The following USP7 variants were observed in gnomAD, a reference collection of about 807,000 sequenced individuals.
USP7 encodes ubiquitin specific peptidase 7.
Under a neutral mutation model 162.9 loss-of-function variants are expected in USP7, and 9 were observed. The observed-to-expected ratio is 0.06, with a 90% confidence interval of 0.03 to 0.10. The LOEUF is 0.10. Ranked by LOEUF, USP7 falls within the 10% of genes least tolerant of loss-of-function variation. The probability of loss-of-function intolerance (pLI) is 1.00; values close to 1 mark genes in which losing one functional copy is unlikely to be tolerated. For missense variants in USP7, 715 were observed against 1,373.7 expected (o/e 0.52, Z 7.58); for synonymous variants, 562 against 475.9 (o/e 1.18, Z -2.35).
chr16:8,893,183 C>A lies in USP7; in HGVS notation c.*815G>T, dbSNP rs191224323. The A allele has an allele frequency of 5.3e-5, 8 of 152,306 alleles. No individual in the cohort carries two copies. The highest frequency in any genetic ancestry group is 1.7e-4 in the African/African-American group (7 of 41,554). The allele number at this position is 152,306 out of a possible 1,614,324, so 9.4% of individuals were successfully genotyped here. A position where few individuals can be genotyped will look rare whatever the true frequency, so the allele number is the denominator to read the frequency against. On this transcript the variant is annotated 3_prime_UTR_variant, in exon 31 of 31. Transcript: ENST00000344836. The stretch of plus-strand genomic sequence containing the variant: ...CTTACTAACCACTAGTGAGCATGCC[C>A]TCTTGCTAAAAGGCTTTCTTGTCGT...
chr16:8,936,707 C>A, intron 1 of USP7: 1 of 1,433,456 alleles, frequency 7.0e-7, no homozygotes, highest in Non-Finnish European at 9.1e-7. Flanking sequence ...GGAGCTCTAC[C>A]TCAGCATTCT....
At chr16:8,955,525 T>C (rs539370115) in intron 1 of USP7, among the ~76,000 whole-genome samples, 8 of 152,058 alleles carry the variant, frequency 5.3e-5, no homozygotes, top group Non-Finnish European at 1.2e-4. Flanking sequence ...CTGGCCAACA[T>C]GGGGAAACCG....
chr16:8,936,039 C>G (rs904928309), intron 1 of USP7, among the ~76,000 whole-genome samples: 1 of 152,192 alleles, frequency 6.6e-6, no homozygotes, highest in Non-Finnish European at 1.5e-5. Flanking sequence ...AATCCTCCCC[C>G]AAAAAGCTGG....
chr16:8,927,331 AG>A (rs1936023398), intron 2 of USP7, among the ~76,000 whole-genome samples: 1 of 151,950 alleles, frequency 6.6e-6, no homozygotes, highest in South Asian at 2.1e-4. Context: ...AAAAAAAAAA[AG>A]AAAGAAAGTT....
intron 4 of USP7, among the ~76,000 whole-genome samples, chr16:8,920,685 C>T (rs1410003674): frequency 6.6e-6 from 1 of 152,166 alleles, no homozygotes; most frequent in Non-Finnish European, 1.5e-5. Flanking sequence ...GGGCTCAGTG[C>T]CACAGCATGG....
intron 1 of USP7, among the ~76,000 whole-genome samples, chr16:8,932,808 C>T (rs913755228): frequency 1.3e-5 from 2 of 151,972 alleles, no homozygotes; most frequent in African/African-American, 2.4e-5. Context: ...CAGGATAGTG[C>T]CTTATCTGCG....
At chr16:8,929,675 T>C in intron 2 of USP7, 2 of 423,968 alleles carry the variant, frequency 4.7e-6, no homozygotes, top group Non-Finnish European at 9.5e-6. Context: ...AGTGTGACTG[T>C]GCAAATATTG....
chr16:8,902,334 C>T (rs746119095), intron 17 of USP7, 47 bp downstream of exon 17: 14 of 1,590,804 alleles, frequency 8.8e-6, no homozygotes, highest in Admixed American at 5.1e-5. Flanking sequence ...AGAGGACTAA[C>T]GCCTTCTGCA....
At chr16:8,962,049 GA>G (rs938610074) in intron 1 of USP7, among the ~76,000 whole-genome samples, 1 of 152,196 alleles carries the variant, frequency 6.6e-6, no homozygotes, top group Non-Finnish European at 1.5e-5. Context: ...ATTCAGAGGT[GA>G]ACACCAGTCA....
intron 1 of USP7, among the ~76,000 whole-genome samples, chr16:8,940,391 G>A (rs1225680296): frequency 6.6e-6 from 1 of 152,212 alleles, no homozygotes; most frequent in East Asian, 1.9e-4. Context: ...ACAGTGCTCA[G>A]GAGAACTCTT....
chr16:8,922,914 T>C (rs923352464), intron 3 of USP7, among the ~76,000 whole-genome samples: 7 of 152,232 alleles, frequency 4.6e-5, no homozygotes, highest in Non-Finnish European at 4.4e-5. Flanking sequence ...TGCCATTTTC[T>C]GCTCAGACAG....
chr16:8,919,217 C>T (rs571491552), intron 5 of USP7, 78 bp from the exon 6 acceptor site: 236 of 1,448,604 alleles, frequency 1.6e-4, no homozygotes, highest in Non-Finnish European at 2.3e-4. Flanking sequence ...CAATCTGACT[C>T]AAGGTCAGCC....
chr16:8,923,141 G>A (rs1443471081), intron 3 of USP7, 74 bp downstream of exon 3: 11 of 700,424 alleles, frequency 1.6e-5, no homozygotes, highest in Non-Finnish European at 1.9e-5. Flanking sequence ...GCTATGTAGA[G>A]GCAGCAAATA....
intron 29 of USP7, 32 bp downstream of exon 29, chr16:8,894,752 C>T (rs545067647): frequency 1.5e-5 from 25 of 1,614,146 alleles, no homozygotes; most frequent in African/African-American, 6.7e-5. Context: ...GCCTATGGCC[C>T]GCCAAGCCCC....
rs937161725 is a variant in USP7 at position 8,919,047 on chromosome 16, G to A, written c.704C>T (p.Thr235Met). 2 of 1,613,690 alleles carry A rather than the reference G, an allele frequency of 1.2e-6. No homozygotes were observed. The highest frequency in any genetic ancestry group is 1.7e-6 in the Non-Finnish European group (2 of 1,179,986). Residue 235 changes from threonine to methionine, a missense_variant, in exon 6 of 31, where the codon ACG becomes ATG. Thr to Met is a moderately conservative substitution (Grantham distance 81). Transcript: ENST00000344836. ...MNSLLQTLFF[T>M]NQLRKAVYMM... ...TCCATTTACCTTTCGTAGCTGATTCGTGAAAAATAACGTCTGTAGCAGGCT... is the reference window on the plus strand; with the variant it reads ...TCCATTTACCTTTCGTAGCTGATTCATGAAAAATAACGTCTGTAGCAGGCT...
chr16:8,945,633 C>A (rs1254923196), intron 1 of USP7, among the ~76,000 whole-genome samples: 2 of 152,006 alleles, frequency 1.3e-5, no homozygotes, highest in African/African-American at 4.8e-5. Context: ...GATGTTCTCC[C>A]CAAATTAATC....
chr16:8,902,459 T>A lies in USP7; in HGVS notation c.1863A>T (p.Arg621=), dbSNP rs368038937. The change falls in exon 17 of 31, where the codon CGA becomes CGT. Residue 621 remains arginine (R), a synonymous_variant. Coordinates refer to ENST00000344836, the MANE Select transcript of USP7 (RefSeq NM_003470.3). The part of the protein sequence containing the change: ...QTMGFPQDQI[R]LWPMQARSNG... ...TACTCCTTGCTTGCATGGGCCACAATCGAATTTGATCTTGTGGAAATCCCT... is the reference window on the plus strand; with the variant it reads ...TACTCCTTGCTTGCATGGGCCACAAACGAATTTGATCTTGTGGAAATCCCT... The A allele has an allele frequency of 6.2e-6, 10 of 1,613,574 alleles. No individual in the cohort carries two copies. The African/African-American group carries it at 1.3e-4, about 22-fold the overall frequency.
Position 8,919,067 on chromosome 16 carries a change from C to A in USP7, c.684G>T (p.Leu228=). ...NQGATCYMNS[L]LQTLFFTNQL... ...GATTCGTGAAAAATAACGTCTGTAG[C>A]AGGCTGTTCATGTAACAAGTCGCTC... is the stretch of plus-strand genomic sequence containing the variant. Residue 228 remains leucine, a synonymous_variant, in exon 6 of 31, where the codon CTG becomes CTT. Transcript: ENST00000344836. 6.2e-7 allele frequency: 1 copy of A among 1,613,950 alleles called. No individual in the cohort carries two copies. Among genetic ancestry groups the A allele is most frequent in the Non-Finnish European group, 8.5e-7 (1 of 1,180,030 alleles).
At chr16:8,956,143 A>G (rs1899790362) in intron 1 of USP7, among the ~76,000 whole-genome samples, 1 of 152,222 alleles carries the variant, frequency 6.6e-6, no homozygotes, top group Non-Finnish European at 1.5e-5. Context: ...TCGGGATGTC[A>G]GGAAACCTTA....
Sources: allele counts gnomAD v4.1 joint callset (sites outside exome capture counted in the v4.1 genomes callset), GRCh38; gene constraint gnomAD v4.1.1; transcripts MANE v1.5; gene names NCBI Gene and HGNC (gene_info 2026-07-23, HGNC 2026-07-21).